The following PCDHA3 variants were observed in gnomAD, a reference collection of about 807,000 sequenced individuals.
The protein encoded by PCDHA3 is protocadherin alpha 3, also known as protocadherin alpha-3.
A neutral mutation model predicts 62.2 loss-of-function variants in PCDHA3; 41 were observed. That is an observed-to-expected ratio of 0.66 (90% CI 0.51 to 0.86). The LOEUF is 0.86. PCDHA3 is among the 40% of genes least tolerant of loss of function. PCDHA3 has a pLI of 0.00. For synonymous variants in PCDHA3, 640 were observed against 555.4 expected (o/e 1.15, Z -2.14); for missense variants, 1,304 against 1,241.2 (o/e 1.05, Z -0.76).
chr5:140,883,159 G>T (rs782151764), intron 1 of PCDHA3: 3 of 1,613,846 alleles, frequency 1.9e-6, no homozygotes, highest in South Asian at 1.1e-5. Flanking sequence ...CCATAAATCC[G>T]AACAATGGAG....
intron 1 of PCDHA3, chr5:140,808,967 G>A (rs1554124926): frequency 6.2e-7 from 1 of 1,613,656 alleles, no homozygotes; most frequent in Non-Finnish European, 8.5e-7. Flanking sequence ...GGTGGCAAAG[G>A]TGCGCGCGGT....
At chr5:140,842,375 C>T (rs1430792130) in intron 1 of PCDHA3, 3 of 1,609,572 alleles carry the variant, frequency 1.9e-6, no homozygotes, top group Non-Finnish European at 2.6e-6. Flanking sequence ...TGAGATAGCA[C>T]TGACTTCCTT....
intron 1 of PCDHA3, among the ~76,000 whole-genome samples, chr5:140,941,916 A>G (rs191775899): frequency 2.8e-3 from 421 of 152,316 alleles, no homozygotes; most frequent in Middle Eastern, 6.8e-3. Flanking sequence ...GCTTTTATGT[A>G]TATCTTAAAA....
chr5:140,822,953 C>G (rs2150120717), intron 1 of PCDHA3: 1 of 1,614,236 alleles, frequency 6.2e-7, no homozygotes, highest in East Asian at 2.2e-5. Context: ...CCCCACGTTC[C>G]CTTCAAGCTG....
intron 1 of PCDHA3, chr5:140,830,390 A>T (rs1554132803): frequency 1.9e-6 from 3 of 1,614,042 alleles, no homozygotes; most frequent in East Asian, 2.2e-5. Flanking sequence ...CCCACCCAAG[A>T]TGGATCTCAT....
chr5:140,836,654 G>A (rs1164686105), intron 1 of PCDHA3: 7 of 1,613,324 alleles, frequency 4.3e-6, no homozygotes, highest in Middle Eastern at 1.6e-4. Context: ...GGCGGCAGAG[G>A]GTGTGCTCTG....
intron 1 of PCDHA3, among the ~76,000 whole-genome samples, chr5:140,914,462 G>A (rs1554196374): frequency 6.6e-6 from 1 of 152,068 alleles, no homozygotes; most frequent in East Asian, 1.9e-4. Context: ...CAGTCTATGT[G>A]TATCTTCATA....
At chr5:140,950,706 G>A (rs72802969) in intron 1 of PCDHA3, among the ~76,000 whole-genome samples, 841 of 152,058 alleles carry the variant, frequency 5.5e-3, no homozygotes, top group Middle Eastern at 0.017. Flanking sequence ...ACAAATTTTT[G>A]TTCCTTATAT....
intron 1 of PCDHA3, chr5:140,883,658 G>T (rs573544891): frequency 6.2e-7 from 1 of 1,613,994 alleles, no homozygotes; most frequent in Non-Finnish European, 8.5e-7. Context: ...CACGGTGTTC[G>T]TGAAGGAAAA....
chr5:140,861,504 G>A (rs900432439), intron 1 of PCDHA3: 5 of 480,672 alleles, frequency 1.0e-5, no homozygotes, highest in African/African-American at 2.0e-5. Context: ...GATAGACCTC[G>A]AGGAGCTGTG....
intron 1 of PCDHA3, among the ~76,000 whole-genome samples, chr5:140,906,089 A>G (rs13182228): frequency 0.33 from 49,632 of 151,980 alleles, 8,394 homozygotes; most frequent in East Asian, 0.53. Flanking sequence ...CCAGACTGAG[A>G]GTAAGTGTGT....
At chr5:140,926,375 C>G (rs1265113344) in intron 1 of PCDHA3, 1 of 152,328 alleles carries the variant, frequency 6.6e-6, no homozygotes, top group African/African-American at 2.4e-5. Flanking sequence ...CAGGAAGAGC[C>G]CAGCTGGGCT....
intron 1 of PCDHA3, chr5:140,968,575 G>C: frequency 6.2e-7 from 1 of 1,614,134 alleles, no homozygotes; most frequent in Non-Finnish European, 8.5e-7. Context: ...CTGGCTACCT[G>C]GTCACCAAAG....
intron 1 of PCDHA3, chr5:140,862,802 T>C (rs1554156982): frequency 1.7e-6 from 1 of 577,736 alleles, no homozygotes; most frequent in Non-Finnish European, 3.3e-6. Flanking sequence ...GAGCTGGAGC[T>C]GCTGCAGTTC....
At chr5:140,842,766 C>A (rs2150343854) in intron 1 of PCDHA3, 6 of 1,594,742 alleles carry the variant, frequency 3.8e-6, no homozygotes, top group Non-Finnish European at 5.1e-6. Context: ...GCGCGAGACG[C>A]GGACGCGCAG....
chr5:140,852,573 G>A, intron 1 of PCDHA3: 2 of 794,360 alleles, frequency 2.5e-6, no homozygotes, highest in Non-Finnish European at 3.1e-6. Flanking sequence ...ACTGTGCCAA[G>A]GCTTTTTTAT....
At chr5:140,806,640 G>GA (rs11459112) in intron 1 of PCDHA3, among the ~76,000 whole-genome samples, 75,457 of 151,900 alleles carry the variant, frequency 0.5, 19,052 homozygotes, top group Middle Eastern at 0.62. Context: ...ATACTAGGGT[G>GA]AAGAGGGTGT....
At chr5:140,967,085 C>T in intron 1 of PCDHA3, 1 of 1,613,198 alleles carries the variant, frequency 6.2e-7, no homozygotes, top group Non-Finnish European at 8.5e-7. Context: ...GCGCATTGAT[C>T]GGGAGGCGCT....
At chr5:140,863,693 C>G (rs2048122696) in intron 1 of PCDHA3, 2 of 301,444 alleles carry the variant, frequency 6.6e-6, no homozygotes, top group African/African-American at 2.2e-5. Flanking sequence ...TTTTGAGATG[C>G]TTTATTTAAA....
Sources: allele counts gnomAD v4.1 joint callset (sites outside exome capture counted in the v4.1 genomes callset), GRCh38; gene constraint gnomAD v4.1.1; transcripts MANE v1.5; gene names NCBI Gene and HGNC (gene_info 2026-07-23, HGNC 2026-07-21).